PTPRT: variants seen among roughly 807,000 people sequenced by gnomAD.
The protein encoded by PTPRT is receptor-type tyrosine-protein phosphatase T.
Under a neutral mutation model 176.8 loss-of-function variants are expected in PTPRT, and 56 were observed. The ratio of observed to expected loss-of-function variants is 0.32; its 90% CI spans 0.26 to 0.40. The LOEUF (loss-of-function observed/expected upper bound fraction) is 0.40, where lower values mean the gene tolerates loss of function less well. PTPRT is among the 10% of genes least tolerant of loss of function. PTPRT has a pLI of 1.00. For synonymous variants in PTPRT, 783 were observed against 739.0 expected (o/e 1.06, Z -0.96); for missense variants, 1,540 against 1,908.2 (o/e 0.81, Z 3.60).
At chr20:42,209,017 G>A (rs2055548044) in intron 15 of PTPRT, among the ~76,000 whole-genome samples, 1 of 152,160 alleles carries the variant, frequency 6.6e-6, no homozygotes, top group Non-Finnish European at 1.5e-5. Context: ...CAACGACATG[G>A]AAACTGAACA....
intron 7 of PTPRT, among the ~76,000 whole-genome samples, chr20:42,513,740 C>G (rs2072005238): frequency 6.6e-6 from 1 of 152,116 alleles, no homozygotes; most frequent in East Asian, 1.9e-4. Flanking sequence ...TTGCTGCACT[C>G]TTCTAATTCA....
chr20:42,396,299 C>A (rs1176556217), intron 9 of PTPRT, among the ~76,000 whole-genome samples: 2 of 152,174 alleles, frequency 1.3e-5, no homozygotes, highest in Non-Finnish European at 2.9e-5. Flanking sequence ...CTTAAAACTA[C>A]ATCTAGAATT....
chr20:43,012,035 C>T (rs562471727), intron 1 of PTPRT, among the ~76,000 whole-genome samples: 1 of 152,338 alleles, frequency 6.6e-6, no homozygotes, highest in South Asian at 2.1e-4. Context: ...GAAGGCTGCA[C>T]TGTTGGCTTC....
chr20:42,907,327 G>A (rs1206695294), intron 1 of PTPRT, among the ~76,000 whole-genome samples: 4 of 152,114 alleles, frequency 2.6e-5, no homozygotes, highest in African/African-American at 7.2e-5. Context: ...AGACAGATCC[G>A]TGTGTTCATA....
At position 42,922,216 on chromosome 20, in the gene PTPRT, G is replaced by A. The variant is rs576753237; in HGVS notation, c.89-36284C>T. On this transcript the variant is annotated intron_variant, in intron 1 of 30. Transcript: ENST00000373187. ...CCCAAAGTACTGAGACTACAGTTGT[G>A]AGCCACCGCGCCTGGCCCTCCACCT... 2.6e-5 allele frequency among the ~76,000 whole-genome samples: 4 copies of A among 152,216 alleles called. No homozygotes were observed. In the East Asian group the frequency reaches 5.8e-4, roughly 22 times the overall value.
intron 2 of PTPRT, among the ~76,000 whole-genome samples, chr20:42,876,441 G>C (rs552984345): frequency 1.8e-4 from 28 of 152,254 alleles, no homozygotes; most frequent in Admixed American, 8.5e-4. Flanking sequence ...ATTCATGAGA[G>C]TGTGCCAGGC....
At chr20:42,861,868 A>G (rs1430809631) in intron 2 of PTPRT, among the ~76,000 whole-genome samples, 1 of 151,982 alleles carries the variant, frequency 6.6e-6, no homozygotes, top group Non-Finnish European at 1.5e-5. Flanking sequence ...AAAAAAAACA[A>G]AAAACCAAAA....
intron 7 of PTPRT, among the ~76,000 whole-genome samples, chr20:42,633,202 A>C (rs2074451860): frequency 6.6e-6 from 1 of 152,148 alleles, no homozygotes; most frequent in Admixed American, 6.5e-5. Context: ...AATAGAAACC[A>C]TCTGAAATTG....
Position 42,099,551 on chromosome 20 carries a change from G to C in PTPRT, c.3715-999C>G, listed in dbSNP as rs1186901989. Among the ~76,000 whole-genome samples the C allele has an allele frequency of 7.2e-4, 47 of 64,960 alleles. 2 individuals carry two copies. The highest frequency in any genetic ancestry group is 1.5e-3 in the African/African-American group (33 of 22,284). The allele number at this position is 64,960 out of a possible 152,430, so 42.6% of individuals were successfully genotyped here. On this transcript the variant is annotated intron_variant, in intron 26 of 30. Transcript: ENST00000373187. Reference sequence around the variant, plus strand: ...CCCAGAGAAAATGGCCTGGGCGGGGGGGGGGGGGGTGGGGTGGTCTGGCAG... The same window carrying C: ...CCCAGAGAAAATGGCCTGGGCGGGGCGGGGGGGGGTGGGGTGGTCTGGCAG...
intron 11 of PTPRT, among the ~76,000 whole-genome samples, chr20:42,349,729 T>C (rs1568798623): frequency 6.6e-6 from 1 of 152,252 alleles, no homozygotes; most frequent in Non-Finnish European, 1.5e-5. Context: ...TTCCACTCAA[T>C]GCTCTGCTTC....
At chr20:42,509,475 T>C (rs1232002279) in intron 7 of PTPRT, among the ~76,000 whole-genome samples, 1 of 130,044 alleles carries the variant, frequency 7.7e-6, no homozygotes, top group African/African-American at 2.8e-5. Context: ...AATTATATAA[T>C]TTATATTTAA....
chr20:42,829,063 A>AG (rs1268620469), intron 2 of PTPRT, among the ~76,000 whole-genome samples: 7 of 152,244 alleles, frequency 4.6e-5, no homozygotes, highest in African/African-American at 1.4e-4. Flanking sequence ...AGCATCCAGA[A>AG]GGGGGGCTAT....
chr20:42,912,124 T>C (rs1178460701), intron 1 of PTPRT, among the ~76,000 whole-genome samples: 1 of 152,084 alleles, frequency 6.6e-6, no homozygotes, highest in Non-Finnish European at 1.5e-5. Context: ...ATATATACAG[T>C]CAAACCATCT....
At chr20:42,648,815 T>G (rs1600545988) in intron 7 of PTPRT, among the ~76,000 whole-genome samples, 2 of 124,680 alleles carry the variant, frequency 1.6e-5, no homozygotes, top group Admixed American at 9.2e-5. Context: ...TTTTTTGGTG[T>G]CGTTGTTTTT....
chr20:43,069,907 A>G (rs2146268699), intron 1 of PTPRT, among the ~76,000 whole-genome samples: 1 of 152,270 alleles, frequency 6.6e-6, no homozygotes, highest in South Asian at 2.1e-4. Flanking sequence ...TTTGCCAGGA[A>G]AGATGTCCTG....
At chr20:42,143,363 G>T (rs1410238559) in intron 17 of PTPRT, among the ~76,000 whole-genome samples, 2 of 151,946 alleles carry the variant, frequency 1.3e-5, no homozygotes, top group East Asian at 3.9e-4. Context: ...AGACCATCCT[G>T]GCTTAACACG....
chr20:42,128,266 T>A (rs1219405772), intron 19 of PTPRT, among the ~76,000 whole-genome samples: 2 of 152,212 alleles, frequency 1.3e-5, no homozygotes, highest in African/African-American at 2.4e-5. Context: ...TACTTCTGAA[T>A]CTCTGCAGCA....
intron 1 of PTPRT, among the ~76,000 whole-genome samples, chr20:43,148,965 C>A (rs547772491): frequency 6.6e-6 from 1 of 152,196 alleles, no homozygotes; most frequent in Non-Finnish European, 1.5e-5. Flanking sequence ...TCTGTGTGAT[C>A]CTCTTACTTC....
At chr20:42,664,201 C>G (rs1307297602) in intron 7 of PTPRT, among the ~76,000 whole-genome samples, 1 of 152,192 alleles carries the variant, frequency 6.6e-6, no homozygotes, top group African/African-American at 2.4e-5. Context: ...GCAATTACCT[C>G]TTTATGCCTT....
Sources: allele counts gnomAD v4.1 joint callset (sites outside exome capture counted in the v4.1 genomes callset), GRCh38; gene constraint gnomAD v4.1.1; transcripts MANE v1.5; gene names NCBI Gene and HGNC (gene_info 2026-07-23, HGNC 2026-07-21).